The following RNF8 variants were observed in gnomAD, a reference collection of about 807,000 sequenced individuals.
RNF8 encodes the protein ring finger protein 8.
A neutral mutation model predicts 59.3 loss-of-function variants in RNF8; 8 were observed. That is an observed-to-expected ratio of 0.13 (90% CI 0.08 to 0.24). The LOEUF (loss-of-function observed/expected upper bound fraction) is 0.24, where lower values mean the gene tolerates loss of function less well. Among genes scored for constraint, RNF8 ranks in the 10% least tolerant of loss-of-function variants. RNF8 has a pLI of 1.00. For missense variants in RNF8, 406 were observed against 572.6 expected (o/e 0.71, Z 2.97); for synonymous variants, 162 against 200.0 (o/e 0.81, Z 1.60).
intron 1 of RNF8, 76 bp downstream of exon 1, chr6:37,354,351 C>T: frequency 8.5e-7 from 1 of 1,176,474 alleles, no homozygotes; most frequent in South Asian, 1.5e-5. Flanking sequence ...AGGAAGGTGT[C>T]TTGCTGGGCT....
rs34338974 is a variant in RNF8, at chr6:37,368,727, G to A, written c.484G>A (p.Ala162Thr). The A allele has an allele frequency of 3.3e-5, 54 of 1,614,060 alleles. No homozygotes were observed. The highest frequency in any genetic ancestry group is 1.4e-5 in the Non-Finnish European group (17 of 1,180,046). ...AAGGAAATTCAGTTTGGATGAATTAGCAGGTCCTGGAGCTGAAGGCCCCTC... is the reference window on the plus strand; with the variant it reads ...AAGGAAATTCAGTTTGGATGAATTAACAGGTCCTGGAGCTGAAGGCCCCTC... ...TKRKFSLDEL[A>T]GPGAEGPSNL... Residue 162 changes from alanine (A) to threonine (T), a missense_variant, in exon 3 of 8, where the codon GCA becomes ACA. Physicochemically the swap from Ala to Thr is moderately conservative, Grantham distance 58. This residue lies in a region of RNF8 where 285 missense variants were observed against 342.0 expected (regional missense o/e 0.83). Coordinates refer to ENST00000373479, the MANE Select transcript of RNF8 (RefSeq NM_003958.4).
rs536711944 is a variant in RNF8, at chr6:37,359,051, G to A, written c.112-1395G>A. On this transcript the variant is annotated intron_variant, in intron 1 of 7. Transcript: ENST00000373479. ...GCAGAGGTTGCAGTGAGCTAAGATCGTGCCACTGCACTCCAGCCTGGGTGA... is the reference window on the plus strand; with the variant it reads ...GCAGAGGTTGCAGTGAGCTAAGATCATGCCACTGCACTCCAGCCTGGGTGA... 2.9e-5 allele frequency: 10 copies of A among 349,890 alleles called. No homozygotes were observed. In the East Asian group the frequency reaches 4.0e-4, roughly 14 times the overall value. The allele number at this position is 349,890 out of a possible 1,614,324, so 21.7% of individuals were successfully genotyped here. A position where few individuals can be genotyped will look rare whatever the true frequency, so the allele number is the denominator to read the frequency against.
In RNF8 at chr6:37,394,008, A is replaced by T. The variant is rs968441407; in HGVS notation, c.*3250A>T. On this transcript the variant is annotated 3_prime_UTR_variant, in exon 8 of 8. Coordinates refer to ENST00000373479, the MANE Select transcript of RNF8 (RefSeq NM_003958.4). ...TCGTATCTAAGGATAACCCAGAAAC[A>T]TGGGGTGTCCTAGGTATGTTTATCT... 1 of 152,156 alleles carries T rather than the reference A, an allele frequency of 6.6e-6. No homozygotes were observed. Among genetic ancestry groups the T allele is most frequent in the Admixed American group, 6.5e-5 (1 of 15,282 alleles). 9.4% of individuals were successfully genotyped at this position (152,156 alleles called of 1,614,324 possible).
At chr6:37,361,104 GA>G in intron 2 of RNF8, 1 of 355,956 alleles carries the variant, frequency 2.8e-6, no homozygotes, top group South Asian at 2.1e-5. Context: ...AAACAAATTT[GA>G]AAACCACTAG....
chr6:37,357,532 A>T (rs766179284), intron 1 of RNF8, among the ~76,000 whole-genome samples: 1 of 152,228 alleles, frequency 6.6e-6, no homozygotes, highest in African/African-American at 2.4e-5. Context: ...AGCTACCTAA[A>T]TAGAAATTTT....
chr6:37,393,256 G>T lies in RNF8; in HGVS notation c.*2498G>T, dbSNP rs1464934799. The T allele has an allele frequency of 6.6e-6, 1 of 152,140 alleles. No homozygotes were observed. Among genetic ancestry groups the T allele is most frequent in the South Asian group, 2.1e-4 (1 of 4,808 alleles). 9.4% of individuals were successfully genotyped at this position (152,140 alleles called of 1,614,324 possible). A position where few individuals can be genotyped will look rare whatever the true frequency, so the allele number is the denominator to read the frequency against. On this transcript the variant is annotated 3_prime_UTR_variant, in exon 8 of 8. Coordinates refer to ENST00000373479, the MANE Select transcript of RNF8 (RefSeq NM_003958.4). ...CTCAGCCTCCTTGTGTCTTGGTTTT[G>T]GTTTCTTCATCTCTAAGTAATTATA...
intron 2 of RNF8, among the ~76,000 whole-genome samples, chr6:37,365,589 T>C (rs924138204): frequency 2.6e-5 from 4 of 152,196 alleles, no homozygotes; most frequent in African/African-American, 7.2e-5. Context: ...TTGGTTTGAG[T>C]GTCCACTTTC....
In RNF8 at chr6:37,374,440, A is replaced by G. The variant is rs567000454; in HGVS notation, c.1039-180A>G. Among the ~76,000 whole-genome samples the G allele has an allele frequency of 1.7e-3, 266 of 152,286 alleles. 1 individual carries two copies. The highest frequency in any genetic ancestry group is 3.4e-3 in the Middle Eastern group (1 of 294). On this transcript the variant is annotated intron_variant, in intron 4 of 7. Transcript: ENST00000373479. ...CCTTCCCTAACTGCCCTCTCCCCTG[A>G]AAAAAGCAGCAGGTAGGTAAGATAG...
intron 4 of RNF8, 23 bp from the exon 5 acceptor site, chr6:37,374,597 A>G (rs1769935155): frequency 6.3e-7 from 1 of 1,578,412 alleles, no homozygotes; most frequent in African/African-American, 1.3e-5. Context: ...CATCCTGAGT[A>G]TGTATCTGCT....
At chr6:37,386,154 A>G (rs1042843732) in intron 7 of RNF8, among the ~76,000 whole-genome samples, 22 of 151,820 alleles carry the variant, frequency 1.4e-4, no homozygotes, top group African/African-American at 5.3e-4. Flanking sequence ...TTCCCCTATC[A>G]CTCTTATTGG....
chr6:37,363,062 T>C (rs1218167704), intron 2 of RNF8, among the ~76,000 whole-genome samples: 1 of 152,200 alleles, frequency 6.6e-6, no homozygotes, highest in Non-Finnish European at 1.5e-5. Flanking sequence ...AGTCACGTCT[T>C]ACTTGAGCCT....
intron 1 of RNF8, among the ~76,000 whole-genome samples, chr6:37,356,492 A>G (rs1769120862): frequency 6.6e-6 from 1 of 152,168 alleles, no homozygotes; most frequent in African/African-American, 2.4e-5. Context: ...CATTTCATTG[A>G]TGGGAACACT....
chr6:37,376,937 G>A lies in RNF8; in HGVS notation c.1140G>A (p.Glu380=). The part of the protein sequence containing the change: ...KELEQTKEEK[E]KMQAQKEEVL... ...TGTGTGTCTTGCAGGAAGAGAAGGA[G>A]AAGATGCAAGCACAGAAGGAAGAAG... Residue 380 remains glutamate (E), a synonymous_variant, in exon 6 of 8, where the codon GAG becomes GAA. Coordinates refer to ENST00000373479, the MANE Select transcript of RNF8 (RefSeq NM_003958.4). 1 of 1,611,946 alleles carries A rather than the reference G, an allele frequency of 6.2e-7. No individual in the cohort carries two copies. The highest frequency in any genetic ancestry group is 8.5e-7 in the Non-Finnish European group (1 of 1,178,242).
In RNF8 at chr6:37,392,062, C is replaced by A. The variant is rs1440468734; in HGVS notation, c.*1304C>A. ...ACTGTGAATTTTGGGATTCTGGAGT[C>A]CTTAGTCTTCATTTCCATTCTTCTG... On this transcript the variant is annotated 3_prime_UTR_variant, in exon 8 of 8. Transcript: ENST00000373479. The A allele has an allele frequency of 6.1e-6, 1 of 162,812 alleles. No individual in the cohort carries two copies. Among genetic ancestry groups the A allele is most frequent in the African/African-American group, 2.4e-5 (1 of 41,900 alleles). 10.1% of individuals were successfully genotyped at this position (162,812 alleles called of 1,614,324 possible).
Position 37,371,495 on chromosome 6 carries a change from T to G in RNF8, c.976-17T>G. 2 of 1,612,092 alleles carry G rather than the reference T, an allele frequency of 1.2e-6. No homozygotes were observed. Among genetic ancestry groups the G allele is most frequent in the Non-Finnish European group, 1.7e-6 (2 of 1,178,578 alleles). On this transcript the variant is annotated splice_polypyrimidine_tract_variant and intron_variant, in intron 3 of 7. Coordinates refer to ENST00000373479, the MANE Select transcript of RNF8 (RefSeq NM_003958.4). ...TTTCCCTGCAGAGAAACCTTCCATTTTGTTTTGGCTTTGCAGGGTTTGGAG... is the reference window on the plus strand; with the variant it reads ...TTTCCCTGCAGAGAAACCTTCCATTGTGTTTTGGCTTTGCAGGGTTTGGAG...
chr6:37,384,131 A>ATT (rs70977654), intron 7 of RNF8, among the ~76,000 whole-genome samples: 8,886 of 123,952 alleles, frequency 0.072, 998 homozygotes, highest in African/African-American at 0.23. Flanking sequence ...CCTTGCTACT[A>ATT]TTTTTTTTTT....
Position 37,360,061 on chromosome 6 carries a change from ATGCC to A in RNF8, c.112-384_112-381del, listed in dbSNP as rs1769255965. On this transcript the variant is annotated intron_variant, in intron 1 of 7. Coordinates refer to ENST00000373479, the MANE Select transcript of RNF8 (RefSeq NM_003958.4). The surrounding 1 kb of genome is among the most constrained non-coding windows in gnomAD (Gnocchi z 4.2). Reference sequence around the variant, plus strand: ...ATGGATGGAATTTACAAGGAGAAAAATGCCAAGTCAGAGACATTTTAAAAATTGG... The same window carrying A: ...ATGGATGGAATTTACAAGGAGAAAAAAAGTCAGAGACATTTTAAAAATTGG... Among the ~76,000 whole-genome samples the A allele has an allele frequency of 6.6e-6, 1 of 152,208 alleles. No individual in the cohort carries two copies. Among genetic ancestry groups the A allele is most frequent in the African/African-American group, 2.4e-5 (1 of 41,458 alleles).
At chr6:37,388,461 G>T (rs576340106) in intron 7 of RNF8, among the ~76,000 whole-genome samples, 1 of 152,250 alleles carries the variant, frequency 6.6e-6, no homozygotes, top group African/African-American at 2.4e-5. Flanking sequence ...TGAGATTCTA[G>T]GTTTGGGGAT....
chr6:37,364,627 A>G (rs1351971200), intron 2 of RNF8, among the ~76,000 whole-genome samples: 2 of 152,208 alleles, frequency 1.3e-5, no homozygotes, highest in African/African-American at 4.8e-5. Context: ...ATAAAATGGT[A>G]CCTCCACTTT....
Sources: gnomAD v4.1 joint callset for allele counts (sites outside exome capture counted in the v4.1 genomes callset) on GRCh38, gnomAD v4.1.1 for gene constraint, gnomAD v4.1.1 regional missense constraint, Gnocchi (gnomAD v3.1) non-coding constraint, MANE v1.5 for transcripts, NCBI Gene and HGNC (gene_info 2026-07-23, HGNC 2026-07-21) for gene names.